Variants in HIVEP3 observed in about 807,000 individuals in gnomAD.
HIVEP3 encodes the protein transcription factor HIVEP3.
A neutral mutation model predicts 152.8 loss-of-function variants in HIVEP3; 49 were observed. The observed-to-expected ratio is 0.32, with a 90% confidence interval of 0.26 to 0.41. The LOEUF is 0.41. HIVEP3 is among the 10% of genes least tolerant of loss of function. The probability of loss-of-function intolerance (pLI) is 1.00; values close to 1 mark genes in which losing one functional copy is unlikely to be tolerated. For missense variants in HIVEP3, 2,790 were observed against 3,103.3 expected, an observed-to-expected ratio of 0.90 and a Z score of 2.40; for synonymous variants, 1,269 against 1,289.0, an observed-to-expected ratio of 0.98 and a Z score of 0.33.
chr1:41,526,575 ATACACCCCCACACT>A (rs1642931413), intron 5 of HIVEP3, among the ~76,000 whole-genome samples: 1 of 48,528 alleles, frequency 2.1e-5, no homozygotes, highest in Non-Finnish European at 4.0e-5. Context: ...ACCCTCACAC[ATACACCCCCACACT>A]CACACCCTTA....
intron 1 of HIVEP3, among the ~76,000 whole-genome samples, chr1:41,791,192 C>T (rs1029717235): frequency 5.3e-5 from 8 of 151,842 alleles, no homozygotes; most frequent in African/African-American, 7.3e-5. Flanking sequence ...CAGTCAGGTC[C>T]GCTCACTGTT....
chr1:41,881,034 C>T (rs1203353236), intron 1 of HIVEP3, among the ~76,000 whole-genome samples: 1 of 152,084 alleles, frequency 6.6e-6, no homozygotes, highest in Non-Finnish European at 1.5e-5. Context: ...CGCAATATTC[C>T]ACAATGCAAG....
Position 41,597,708 on chromosome 1 carries a change from C to T in HIVEP3, c.-521-12390G>A, listed in dbSNP as rs375213706. Among the ~76,000 whole-genome samples, 11 of 152,210 alleles carry T rather than the reference C, an allele frequency of 7.2e-5. No individual in the cohort carries two copies. In the East Asian group the frequency reaches 7.7e-4, roughly 11 times the overall value. ...ACACAGATTTGAATCACAGTCCTGA[C>T]ACTGCAGGTAACCAAACACTGTTTT... On this transcript the variant is annotated intron_variant, in intron 3 of 8. Coordinates refer to ENST00000372583, the MANE Select transcript of HIVEP3 (RefSeq NM_024503.5).
chr1:41,936,801 G>C (rs779407972), intron 1 of HIVEP3, among the ~76,000 whole-genome samples: 33 of 152,238 alleles, frequency 2.2e-4, no homozygotes, highest in Non-Finnish European at 8.8e-5. Flanking sequence ...TATTATACTG[G>C]ATGACCATAT....
intron 5 of HIVEP3, among the ~76,000 whole-genome samples, chr1:41,527,007 G>C (rs1160546399): frequency 1.9e-5 from 1 of 53,202 alleles, no homozygotes; most frequent in Non-Finnish European, 3.5e-5. Flanking sequence ...ACTCACACTC[G>C]CTTACACCCC....
At chr1:41,752,309 C>T (rs953365587) in intron 1 of HIVEP3, among the ~76,000 whole-genome samples, 2 of 152,226 alleles carry the variant, frequency 1.3e-5, no homozygotes, top group Non-Finnish European at 2.9e-5. Flanking sequence ...AGCTCCTCAC[C>T]CTTCTGGGGA....
At chr1:41,930,748 C>T (rs1295857634) in intron 1 of HIVEP3, among the ~76,000 whole-genome samples, 1 of 152,084 alleles carries the variant, frequency 6.6e-6, no homozygotes, top group African/African-American at 2.4e-5. Context: ...GAAAGAGTTC[C>T]AGAGGCTCTG....
At chr1:41,551,673 T>C (rs1482344068) in intron 5 of HIVEP3, among the ~76,000 whole-genome samples, 1 of 152,220 alleles carries the variant, frequency 6.6e-6, no homozygotes, top group Non-Finnish European at 1.5e-5. Flanking sequence ...CATAGAGATG[T>C]TTATAGTATT....
At chr1:41,544,945 CTACCACCTCTACCAT>C (rs1643682615) in intron 5 of HIVEP3, among the ~76,000 whole-genome samples, 3 of 9,324 alleles carry the variant, frequency 3.2e-4, no homozygotes, top group Admixed American at 1.1e-3. Context: ...ACCACCACCA[CTACCACCTCTACCAT>C]CACCACCACC....
At chr1:42,014,644 C>A (rs893864386) in intron 1 of HIVEP3, among the ~76,000 whole-genome samples, 1 of 152,130 alleles carries the variant, frequency 6.6e-6, no homozygotes, top group African/African-American at 2.4e-5. Flanking sequence ...GTTGTGACAT[C>A]TGCTCAGGTG....
intron 1 of HIVEP3, among the ~76,000 whole-genome samples, chr1:41,911,400 T>C (rs1644794042): frequency 6.6e-6 from 1 of 152,238 alleles, no homozygotes; most frequent in South Asian, 2.1e-4. Flanking sequence ...TAGGAGAAAT[T>C]GCAGCTGGAT....
intron 2 of HIVEP3, among the ~76,000 whole-genome samples, chr1:41,644,021 G>A (rs1026731435): frequency 2.6e-5 from 4 of 150,948 alleles, no homozygotes; most frequent in Admixed American, 6.6e-5. Flanking sequence ...AGAGTAGCTC[G>A]GACTACAGGT....
chr1:41,954,760 C>T (rs531547822), intron 1 of HIVEP3, among the ~76,000 whole-genome samples: 60 of 152,338 alleles, frequency 3.9e-4, no homozygotes, highest in Non-Finnish European at 6.5e-4. Context: ...GGCTGTGGCC[C>T]AGGGCAGGTT....
At chr1:41,609,370 C>A (rs1644866481) in intron 3 of HIVEP3, among the ~76,000 whole-genome samples, 1 of 152,250 alleles carries the variant, frequency 6.6e-6, no homozygotes, top group South Asian at 2.1e-4. Flanking sequence ...TTTGCCTGGG[C>A]AGCCTAGTAG....
chr1:41,760,069 A>G (rs1220223794), intron 1 of HIVEP3, among the ~76,000 whole-genome samples: 3 of 152,096 alleles, frequency 2.0e-5, no homozygotes, highest in Non-Finnish European at 4.4e-5. Flanking sequence ...GCTACTGGGG[A>G]GGCTGAGGCA....
chr1:41,649,205 T>C (rs1645507268), intron 2 of HIVEP3, among the ~76,000 whole-genome samples: 1 of 152,228 alleles, frequency 6.6e-6, no homozygotes. Context: ...CATTGAGTCT[T>C]ACTCTGGGAG....
At chr1:41,724,444 T>C (rs1025033284) in intron 1 of HIVEP3, among the ~76,000 whole-genome samples, 5 of 152,092 alleles carry the variant, frequency 3.3e-5, no homozygotes, top group African/African-American at 1.2e-4. Context: ...CCAAGTAAAG[T>C]GAACAGAAAC....
intron 6 of HIVEP3, among the ~76,000 whole-genome samples, chr1:41,523,284 C>G (rs1642812327): frequency 6.6e-6 from 1 of 152,178 alleles, no homozygotes; most frequent in African/African-American, 2.4e-5. Context: ...ACCTTCGAAG[C>G]ACCCATGGGG....
intron 1 of HIVEP3, among the ~76,000 whole-genome samples, chr1:41,949,824 T>C (rs184771744): frequency 1.3e-3 from 195 of 152,324 alleles, no homozygotes; most frequent in Non-Finnish European, 2.0e-3. Context: ...CGTGGATCCC[T>C]GGACCAGCCT....
Sources: gnomAD v4.1 joint callset for allele counts (sites outside exome capture counted in the v4.1 genomes callset) on GRCh38, gnomAD v4.1.1 for gene constraint, MANE v1.5 for transcripts, NCBI Gene and HGNC (gene_info 2026-07-23, HGNC 2026-07-21) for gene names.